The following KPNA1 variants were observed in gnomAD, a reference collection of about 807,000 sequenced individuals.
The protein encoded by KPNA1 is karyopherin subunit alpha 1, also known as importin subunit alpha-5.
In KPNA1, 10 loss-of-function variants were observed where a neutral mutation model predicts 70.5. The observed-to-expected ratio is 0.14, with a 90% CI of 0.09 to 0.24. The LOEUF (loss-of-function observed/expected upper bound fraction) is 0.24, where lower values mean the gene tolerates loss of function less well. Among genes scored for constraint, KPNA1 ranks in the 10% least tolerant of loss-of-function variants. KPNA1 has a pLI of 1.00. For missense variants in KPNA1, 397 were observed against 637.9 expected (o/e 0.62, Z 4.07); for synonymous variants, 192 against 221.9 (o/e 0.87, Z 1.20).
At chr3:122,439,934 T>G (rs978708187) in intron 10 of KPNA1, among the ~76,000 whole-genome samples, 6 of 152,070 alleles carry the variant, frequency 3.9e-5, no homozygotes, top group Non-Finnish European at 8.8e-5. Context: ...AAATAAAAAC[T>G]TGGAACTTGC....
At chr3:122,508,610 A>G (rs977726753) in intron 1 of KPNA1, among the ~76,000 whole-genome samples, 1 of 152,192 alleles carries the variant, frequency 6.6e-6, no homozygotes, top group Non-Finnish European at 1.5e-5. Context: ...TTCTCAAAAC[A>G]TGGCAGCCAG....
intron 2 of KPNA1, among the ~76,000 whole-genome samples, chr3:122,475,320 C>T (rs1356518090): frequency 6.6e-6 from 1 of 152,040 alleles, no homozygotes; most frequent in Non-Finnish European, 1.5e-5. Flanking sequence ...AAGACCTGTA[C>T]ATTAAAAACT....
chr3:122,474,684 C>A (rs2076478212), intron 2 of KPNA1, among the ~76,000 whole-genome samples: 1 of 152,028 alleles, frequency 6.6e-6, no homozygotes, highest in African/African-American at 2.4e-5. Flanking sequence ...TAGGATTTAC[C>A]TCAGGGATAC....
At chr3:122,455,515 G>A (rs188620289) in intron 5 of KPNA1, among the ~76,000 whole-genome samples, 502 of 152,190 alleles carry the variant, frequency 3.3e-3, no homozygotes, top group Non-Finnish European at 5.1e-3. Flanking sequence ...CTTTCAGTAC[G>A]TCTGAATTAA....
intron 2 of KPNA1, among the ~76,000 whole-genome samples, chr3:122,473,109 G>A (rs2076461097): frequency 6.6e-6 from 1 of 151,890 alleles, no homozygotes; most frequent in Non-Finnish European, 1.5e-5. Flanking sequence ...AGAATACTAT[G>A]AACAATTCTA....
intron 2 of KPNA1, among the ~76,000 whole-genome samples, chr3:122,477,530 C>CCAACATGGTGAAACCCCGT: frequency 6.6e-6 from 1 of 151,986 alleles, no homozygotes; most frequent in Non-Finnish European, 1.5e-5. Context: ...CAAGACCCTG[C>CCAACATGGTGAAACCCCGT]CTCTACAAAA....
rs1251520763 is a variant in KPNA1, at chr3:122,424,017, C to T, written c.*2968G>A. 6.6e-6 allele frequency: 1 copy of T among 152,106 alleles called. No homozygotes were observed. Among genetic ancestry groups the T allele is most frequent in the Non-Finnish European group, 1.5e-5 (1 of 68,026 alleles). The allele number at this position is 152,106 out of a possible 1,614,324, so 9.4% of individuals were successfully genotyped here. A position where few individuals can be genotyped will look rare whatever the true frequency, so the allele number is the denominator to read the frequency against. On this transcript the variant is annotated 3_prime_UTR_variant, in exon 14 of 14. Transcript: ENST00000344337. Reference sequence around the variant, plus strand: ...AAAATCTCTTTCTTCTATCATCTACCTTACCCAAAATTTCTCAATCCAACC... The same window carrying T: ...AAAATCTCTTTCTTCTATCATCTACTTTACCCAAAATTTCTCAATCCAACC...
chr3:122,507,773 C>T (rs1258952160), intron 1 of KPNA1, among the ~76,000 whole-genome samples: 3 of 149,296 alleles, frequency 2.0e-5, no homozygotes, highest in Non-Finnish European at 4.5e-5. Flanking sequence ...AAAAAAAAGA[C>T]AAATCTTTCC....
intron 8 of KPNA1, among the ~76,000 whole-genome samples, chr3:122,451,020 T>C (rs919786321): frequency 9.9e-5 from 15 of 152,044 alleles, no homozygotes; most frequent in African/African-American, 7.2e-5. Context: ...GGGTGAGAGA[T>C]AAAGGACTAC....
rs2075826836 is a variant in KPNA1 at position 122,426,636 on chromosome 3, G to C, written c.*349C>G. ...TCAGTTTTTTCCCCCATGTTAAAGG[G>C]AATGAGGAGGAGTCCTCTTTTATTC... is the stretch of plus-strand genomic sequence containing the variant. On this transcript the variant is annotated 3_prime_UTR_variant, in exon 14 of 14. Transcript: ENST00000344337. 2 of 192,564 alleles carry C rather than the reference G, an allele frequency of 1.0e-5. No individual in the cohort carries two copies. The highest frequency in any genetic ancestry group is 1.2e-4 in the Admixed American group (2 of 17,376). 11.9% of individuals were successfully genotyped at this position (192,564 alleles called of 1,614,324 possible).
In KPNA1 at chr3:122,425,694, G is replaced by A. The variant is rs1031227365; in HGVS notation, c.*1291C>T. On this transcript the variant is annotated 3_prime_UTR_variant, in exon 14 of 14. Coordinates refer to ENST00000344337, the MANE Select transcript of KPNA1 (RefSeq NM_002264.4). Reference sequence around the variant, plus strand: ...CAGTCATCATTAAATGAGCCAGAAGGCAGATACTGTTTTTATTTTGTGTGG... The same window carrying A: ...CAGTCATCATTAAATGAGCCAGAAGACAGATACTGTTTTTATTTTGTGTGG... 1 of 152,632 alleles carries A rather than the reference G, an allele frequency of 6.6e-6. No individual in the cohort carries two copies. The highest frequency in any genetic ancestry group is 2.4e-5 in the African/African-American group (1 of 41,428). 9.5% of individuals were successfully genotyped at this position (152,632 alleles called of 1,614,324 possible). A position where few individuals can be genotyped will look rare whatever the true frequency, so the allele number is the denominator to read the frequency against.
intron 5 of KPNA1, 108 bp from the exon 6 acceptor site, chr3:122,454,109 T>G (rs1157531053): frequency 1.4e-6 from 1 of 715,954 alleles, no homozygotes; most frequent in African/African-American, 1.8e-5. Flanking sequence ...GATCATTATT[T>G]GCACATAACC....
In KPNA1 at chr3:122,422,900, C is replaced by T. The variant is rs1469773664; in HGVS notation, c.*4085G>A. 6.6e-6 allele frequency: 1 copy of T among 152,204 alleles called. No homozygotes were observed. The highest frequency in any genetic ancestry group is 2.1e-4 in the South Asian group (1 of 4,836). The allele number at this position is 152,204 out of a possible 1,614,324, so 9.4% of individuals were successfully genotyped here. On this transcript the variant is annotated 3_prime_UTR_variant, in exon 14 of 14. Transcript: ENST00000344337. ...ACCCTTAGTTGAAAACAGAACGGAA[C>T]ACTTCTTTTCTTTCTTCTTACCCCA... is the stretch of plus-strand genomic sequence containing the variant.
chr3:122,501,030 C>CT (rs112073834), intron 1 of KPNA1, among the ~76,000 whole-genome samples: 492 of 126,840 alleles, frequency 3.9e-3, no homozygotes, highest in African/African-American at 8.1e-3. Context: ...CTTTTCTTTC[C>CT]TTTTTTTTTT....
chr3:122,467,279 A>G lies in KPNA1; in HGVS notation c.237+43T>C, dbSNP rs376489456. The G allele has an allele frequency of 1.0e-5, 11 of 1,092,458 alleles. No homozygotes were observed. In the African/African-American group the frequency reaches 1.1e-4, roughly 11 times the overall value. The allele number at this position is 1,092,458 out of a possible 1,614,324, so 67.7% of individuals were successfully genotyped here. A position where few individuals can be genotyped will look rare whatever the true frequency, so the allele number is the denominator to read the frequency against. Reference sequence around the variant, plus strand: ...AAACTCAAAAGGAAATCTACATCTCATATCTTCATCACAAAAACACTGAAA... The same window carrying G: ...AAACTCAAAAGGAAATCTACATCTCGTATCTTCATCACAAAAACACTGAAA... On this transcript the variant is annotated intron_variant, in intron 3 of 13. Transcript: ENST00000344337.
intron 2 of KPNA1, among the ~76,000 whole-genome samples, chr3:122,494,639 C>T (rs142915891): frequency 3.6e-4 from 54 of 151,990 alleles, no homozygotes; most frequent in African/African-American, 1.3e-3. Context: ...TGTATGAATC[C>T]TAGGATTGTT....
intron 2 of KPNA1, among the ~76,000 whole-genome samples, chr3:122,474,617 A>C (rs1405618546): frequency 6.6e-6 from 1 of 152,188 alleles, no homozygotes; most frequent in Non-Finnish European, 1.5e-5. Flanking sequence ...GAGTTCAACG[A>C]AACACTAACA....
chr3:122,503,189 T>TA (rs2076849630), intron 1 of KPNA1, among the ~76,000 whole-genome samples: 1 of 151,962 alleles, frequency 6.6e-6, no homozygotes, highest in Non-Finnish European at 1.5e-5. Context: ...GGAAGTAACT[T>TA]AGAGGTCTGT....
intron 2 of KPNA1, among the ~76,000 whole-genome samples, chr3:122,483,926 T>G (rs2076600396): frequency 6.6e-6 from 1 of 152,186 alleles, no homozygotes; most frequent in African/African-American, 2.4e-5. Flanking sequence ...AGTCCTGCAT[T>G]TAATGTCTTG....
Sources: gnomAD v4.1 joint callset for allele counts (sites outside exome capture counted in the v4.1 genomes callset) on GRCh38, gnomAD v4.1.1 for gene constraint, MANE v1.5 for transcripts, NCBI Gene and HGNC (gene_info 2026-07-23, HGNC 2026-07-21) for gene names.